TRPC4: variants seen among roughly 807,000 people sequenced by gnomAD.
The protein encoded by TRPC4 is transient receptor potential cation channel subfamily C member 4, also known as short transient receptor potential channel 4.
TRPC4 carries 49 observed loss-of-function variants against 99.4 expected under a neutral mutation model. The observed-to-expected ratio is 0.49, with a 90% CI of 0.39 to 0.63. The LOEUF (loss-of-function observed/expected upper bound fraction) is 0.63, where lower values mean the gene tolerates loss of function less well. Ranked by LOEUF, TRPC4 falls within the 20% of genes least tolerant of loss-of-function variation. The pLI, the probability that TRPC4 is intolerant of heterozygous loss-of-function variation, is 0.00. For missense variants in TRPC4, 898 were observed against 1,152.9 expected (o/e 0.78, Z 3.20); for synonymous variants, 454 against 425.9 (o/e 1.07, Z -0.81).
intron 4 of TRPC4, among the ~76,000 whole-genome samples, chr13:37,676,631 A>G (rs1274535764): frequency 1.3e-5 from 2 of 152,122 alleles, no homozygotes; most frequent in Non-Finnish European, 2.9e-5. Flanking sequence ...TCGGCCTCCC[A>G]AAGTGCTGGG....
chr13:37,782,851 A>C, intron 2 of TRPC4, 105 bp downstream of exon 2: 1 of 1,160,844 alleles, frequency 8.6e-7, no homozygotes, highest in Non-Finnish European at 1.1e-6. Context: ...ATATTTCTTA[A>C]ATTTTCAGGG....
At chr13:37,660,727 T>G (rs986456368) in intron 6 of TRPC4, among the ~76,000 whole-genome samples, 5 of 152,202 alleles carry the variant, frequency 3.3e-5, no homozygotes, top group African/African-American at 1.2e-4. Context: ...TATGAATTAG[T>G]GTATTTTTAA....
chr13:37,855,600 G>A (rs139319589), intron 1 of TRPC4, among the ~76,000 whole-genome samples: 6 of 151,814 alleles, frequency 4.0e-5, no homozygotes, highest in African/African-American at 1.4e-4. Flanking sequence ...TTCAGCCCAT[G>A]GATCATTCTC....
At chr13:37,691,462 A>G (rs1008482885) in intron 4 of TRPC4, among the ~76,000 whole-genome samples, 1 of 152,248 alleles carries the variant, frequency 6.6e-6, no homozygotes, top group Non-Finnish European at 1.5e-5. Context: ...GATTTGCTTC[A>G]GACCCAATAC....
intron 2 of TRPC4, among the ~76,000 whole-genome samples, chr13:37,761,202 C>T (rs4399429): frequency 0.077 from 11,748 of 151,946 alleles, 491 homozygotes; most frequent in Non-Finnish European, 0.091. Context: ...TGCCATGTGC[C>T]ATGCCCTGTG....
In TRPC4 at chr13:37,692,275, C is replaced by T; in HGVS notation, c.958G>A (p.Gly320Ser). The T allele has an allele frequency of 6.2e-7, 1 of 1,614,124 alleles. No individual in the cohort carries two copies. Residue 320 changes from glycine to serine, a missense_variant, in exon 4 of 11, where the codon GGC (glycine) becomes AGC (serine). Coordinates refer to ENST00000379705, the MANE Select transcript of TRPC4 (RefSeq NM_016179.4). Reference sequence around the variant, plus strand: ...ACTGCCCAGTGTCTTCTCCTCCAGCCTGGAAACTCATCGTACCAGCGAGAT... The same window carrying T: ...ACTGCCCAGTGTCTTCTCCTCCAGCTTGGAAACTCATCGTACCAGCGAGAT... ...LASRWYDEFP[G>S]WRRRHWAVKM...
chr13:37,723,829 A>G (rs573742060), intron 3 of TRPC4, among the ~76,000 whole-genome samples: 1 of 152,278 alleles, frequency 6.6e-6, no homozygotes, highest in South Asian at 2.1e-4. Context: ...CACTGGGATT[A>G]CAGGTGTGAG....
chr13:37,775,216 G>A (rs776693799), intron 2 of TRPC4, among the ~76,000 whole-genome samples: 11 of 151,620 alleles, frequency 7.3e-5, no homozygotes, highest in Non-Finnish European at 1.6e-4. Context: ...ATGCACACAT[G>A]CATTATTAAT....
In TRPC4 at chr13:37,655,283, C is replaced by A. The variant is rs775051137; in HGVS notation, c.1689G>T (p.Thr563=). The change falls in exon 7 of 11, where the codon ACG becomes ACT. Residue 563 remains threonine, a splice_region_variant and synonymous_variant. Coordinates refer to ENST00000379705, the MANE Select transcript of TRPC4 (RefSeq NM_016179.4). ...RCEKQNNAFS[T]LFETLQSLFW... ...ACAGGGACTGCAGTGTCTCAAATAA[C>A]CTGTAATAAAGATAAAATGATACTA... 3.3e-6 allele frequency: 5 copies of A among 1,524,904 alleles called. No individual in the cohort carries two copies. The highest frequency in any genetic ancestry group is 3.5e-6 in the Non-Finnish European group (4 of 1,132,024). The allele number at this position is 1,524,904 out of a possible 1,614,324, so 94.5% of individuals were successfully genotyped here. A position where few individuals can be genotyped will look rare whatever the true frequency, so the allele number is the denominator to read the frequency against.
At chr13:37,782,874 T>C in intron 2 of TRPC4, 82 bp downstream of exon 2, 1 of 970,872 alleles carries the variant, frequency 1.0e-6, no homozygotes, top group Non-Finnish European at 1.3e-6. Flanking sequence ...TTTGAAAATC[T>C]AAAAAAAAAA....
chr13:37,708,529 T>C (rs763145774), intron 3 of TRPC4, among the ~76,000 whole-genome samples: 32 of 151,894 alleles, frequency 2.1e-4, no homozygotes, highest in Admixed American at 3.9e-4. Flanking sequence ...CAATGATATA[T>C]ATTCTTGGAC....
chr13:37,826,039 G>T (rs1409663986), intron 1 of TRPC4, among the ~76,000 whole-genome samples: 1 of 138,460 alleles, frequency 7.2e-6, no homozygotes, highest in Non-Finnish European at 1.5e-5. Context: ...GGCCTTCTTT[G>T]TCTCTTTTGA....
At position 37,639,238 on chromosome 13, in the gene TRPC4, A is replaced by C. The variant is rs778889977; in HGVS notation, c.2121+20T>G. The C allele has an allele frequency of 4.0e-5, 64 of 1,613,578 alleles. No individual in the cohort carries two copies. Among genetic ancestry groups the C allele is most frequent in the Non-Finnish European group, 5.3e-5 (62 of 1,179,634 alleles). ...TTTATTTTAGTGAAAATTTCAAGACATAGTACAAGGACAACTTACTTGGTA... is the reference window on the plus strand; with the variant it reads ...TTTATTTTAGTGAAAATTTCAAGACCTAGTACAAGGACAACTTACTTGGTA... On this transcript the variant is annotated intron_variant, in intron 9 of 10. Coordinates refer to ENST00000379705, the MANE Select transcript of TRPC4 (RefSeq NM_016179.4).
At chr13:37,647,645 A>G (rs1039139458) in intron 8 of TRPC4, among the ~76,000 whole-genome samples, 1 of 152,222 alleles carries the variant, frequency 6.6e-6, no homozygotes, top group African/African-American at 2.4e-5. Flanking sequence ...GTTATCTTTT[A>G]AAAGAAATGG....
chr13:37,650,447 C>A (rs562884364), intron 8 of TRPC4, among the ~76,000 whole-genome samples: 20 of 152,200 alleles, frequency 1.3e-4, no homozygotes, highest in Admixed American at 3.9e-4. Flanking sequence ...AAAAGCTTCA[C>A]GTGGTGTATC....
At chr13:37,652,384 T>C (rs1952075227) in intron 7 of TRPC4, among the ~76,000 whole-genome samples, 1 of 152,220 alleles carries the variant, frequency 6.6e-6, no homozygotes, top group Admixed American at 6.5e-5. Flanking sequence ...TAAATTGCTG[T>C]GTGCGGATGA....
intron 1 of TRPC4, among the ~76,000 whole-genome samples, chr13:37,862,718 G>T (rs577949175): frequency 1.7e-3 from 259 of 151,656 alleles, no homozygotes; most frequent in Non-Finnish European, 2.9e-3. Context: ...AACAAACTTT[G>T]CTTAAAATAT....
intron 1 of TRPC4, among the ~76,000 whole-genome samples, chr13:37,793,106 T>A (rs910350309): frequency 2.6e-5 from 4 of 152,174 alleles, no homozygotes; most frequent in African/African-American, 9.7e-5. Context: ...TTAGAAGTTT[T>A]GAAAATAATA....
intron 3 of TRPC4, among the ~76,000 whole-genome samples, chr13:37,733,463 A>C (rs911642749): frequency 1.3e-5 from 2 of 152,196 alleles, no homozygotes; most frequent in African/African-American, 4.8e-5. Context: ...TCAGATTTCT[A>C]ACATGAATAA....
Sources: allele counts gnomAD v4.1 joint callset (sites outside exome capture counted in the v4.1 genomes callset), GRCh38; gene constraint gnomAD v4.1.1; transcripts MANE v1.5; gene names NCBI Gene and HGNC (gene_info 2026-07-23, HGNC 2026-07-21).